Variants in COL5A2 observed in about 807,000 individuals in gnomAD.
COL5A2 encodes the protein collagen alpha-2(V) chain.
In COL5A2, 23 loss-of-function variants were observed where a neutral mutation model predicts 208.2. That is an observed-to-expected ratio of 0.11 (90% CI 0.08 to 0.16). COL5A2 has a LOEUF of 0.16. COL5A2 is among the 10% of genes least tolerant of loss of function. The pLI is 1.00. For missense variants in COL5A2, 1,590 were observed against 1,956.4 expected (o/e 0.81, Z 3.53); for synonymous variants, 625 against 628.5 (o/e 0.99, Z 0.08).
Position 189,113,804 on chromosome 2 carries a change from A to G in COL5A2, c.98-3355T>C, listed in dbSNP as rs184111740. ...AATTAGATATTTGGAAGCAGAGAAT[A>G]TGAAAAACAAAAACAAGATGACACG... is the stretch of plus-strand genomic sequence containing the variant. On this transcript the variant is annotated intron_variant, in intron 1 of 53. Transcript: ENST00000374866. 9.2e-5 allele frequency among the ~76,000 whole-genome samples: 14 copies of G among 151,610 alleles called. No homozygotes were observed. The East Asian group carries it at 2.7e-3, about 29-fold the overall frequency.
upstream of COL5A2, among the ~76,000 whole-genome samples, chr2:189,225,796 T>C (rs370870498): frequency 6.0e-4 from 91 of 152,296 alleles, no homozygotes; most frequent in Admixed American, 1.6e-3. Flanking sequence ...TTTGTGTGGT[T>C]GCCATACTGA....
chr2:189,260,089 C>T, the COL5A2 span, among the ~76,000 whole-genome samples: 1 of 152,016 alleles, frequency 6.6e-6, no homozygotes, highest in South Asian at 2.1e-4. Flanking sequence ...TTCCTAAATC[C>T]TTTAGTATAC....
intron 47 of COL5A2, 79 bp downstream of exon 47, chr2:189,045,100 T>C (rs1685637182): frequency 3.2e-6 from 3 of 944,972 alleles, no homozygotes; most frequent in Admixed American, 2.7e-5. Flanking sequence ...TTTTCAGTTA[T>C]GAATCTTAAA....
chr2:189,342,301 T>G, the COL5A2 span, among the ~76,000 whole-genome samples: 4 of 148,856 alleles, frequency 2.7e-5, no homozygotes, highest in Non-Finnish European at 4.5e-5. Context: ...ATGACTACTA[T>G]ATATATAGAA....
the COL5A2 span, among the ~76,000 whole-genome samples, chr2:189,304,757 A>G: frequency 6.6e-6 from 1 of 152,190 alleles, no homozygotes; most frequent in Non-Finnish European, 1.5e-5. Context: ...AGTCATTCTT[A>G]TATTTTTCTA....
the COL5A2 span, among the ~76,000 whole-genome samples, chr2:189,315,926 T>C: frequency 6.6e-6 from 1 of 152,140 alleles, no homozygotes; most frequent in African/African-American, 2.4e-5. Context: ...AATGACTATT[T>C]AATAAATGAC....
chr2:189,277,311 T>G, the COL5A2 span, among the ~76,000 whole-genome samples: 1 of 152,146 alleles, frequency 6.6e-6, no homozygotes, highest in African/African-American at 2.4e-5. Context: ...CAAAATGTTC[T>G]TAACATGACC....
the COL5A2 span, among the ~76,000 whole-genome samples, chr2:189,329,056 T>C: frequency 6.6e-6 from 1 of 152,130 alleles, no homozygotes; most frequent in East Asian, 1.9e-4. Context: ...TCACCACAGC[T>C]AGGATATGGA....
the COL5A2 span, among the ~76,000 whole-genome samples, chr2:189,272,666 TAA>T: frequency 2.0e-5 from 3 of 150,052 alleles, no homozygotes; most frequent in South Asian, 2.1e-4. Flanking sequence ...ATAATTTTTT[TAA>T]AAAAAATCTC....
the COL5A2 span, among the ~76,000 whole-genome samples, chr2:189,274,718 A>G: frequency 6.6e-6 from 1 of 152,180 alleles, no homozygotes; most frequent in East Asian, 1.9e-4. Context: ...ATTGTATCAA[A>G]AAGAGAATTA....
chr2:189,399,614 A>G, the COL5A2 span, among the ~76,000 whole-genome samples: 1 of 152,118 alleles, frequency 6.6e-6, no homozygotes, highest in Admixed American at 6.6e-5. Flanking sequence ...TATATTACAT[A>G]TAATACTTTT....
At chr2:189,414,771 A>G in the COL5A2 span, among the ~76,000 whole-genome samples, 1 of 151,308 alleles carries the variant, frequency 6.6e-6, no homozygotes, top group Non-Finnish European at 1.5e-5. Flanking sequence ...AAAAAAAAAA[A>G]AAAAAGAATG....
chr2:189,056,987 T>C lies in COL5A2; in HGVS notation c.2377A>G (p.Asn793Asp). The C allele has an allele frequency of 6.2e-7, 1 of 1,614,038 alleles. No individual in the cohort carries two copies. The stretch of plus-strand genomic sequence containing the variant: ...CTTTCACTTACTCTTGCACCATCAT[T>C]TCCAGCTGTGCCTTCAGCACCTTTT... ...GEKGAEGTAG[N>D]DGARGLPGPL... The change falls in exon 35 of 54, where the codon AAT becomes GAT. Residue 793 changes from asparagine (N) to aspartate (D), a missense_variant. Physicochemically the swap from Asn to Asp is conservative, Grantham distance 23. Transcript: ENST00000374866.
At chr2:189,152,651 C>G (rs555911375) in intron 1 of COL5A2, among the ~76,000 whole-genome samples, 16 of 152,234 alleles carry the variant, frequency 1.1e-4, no homozygotes, top group African/African-American at 3.4e-4. Flanking sequence ...TTTTAGGTTC[C>G]AACTCCCGCA....
At chr2:189,441,027 C>G in the COL5A2 span, among the ~76,000 whole-genome samples, 1 of 152,174 alleles carries the variant, frequency 6.6e-6, no homozygotes, top group African/African-American at 2.4e-5. Flanking sequence ...AGCTACCTTT[C>G]CACCCAATAA....
intron 1 of COL5A2, among the ~76,000 whole-genome samples, chr2:189,210,812 T>C (rs1209752006): frequency 6.6e-6 from 1 of 152,212 alleles, no homozygotes; most frequent in Non-Finnish European, 1.5e-5. Context: ...TCTAAATATT[T>C]GCTTCTCTGG....
intron 1 of COL5A2, among the ~76,000 whole-genome samples, chr2:189,202,446 A>G (rs957634879): frequency 1.3e-5 from 2 of 152,152 alleles, no homozygotes; most frequent in African/African-American, 4.8e-5. Flanking sequence ...GGTGAGAAGA[A>G]CAAGTGGAGA....
At chr2:189,346,512 T>A in the COL5A2 span, among the ~76,000 whole-genome samples, 102 of 152,158 alleles carry the variant, frequency 6.7e-4, no homozygotes, top group Admixed American at 3.0e-3. Flanking sequence ...AAAGCCCAAA[T>A]CAAAAAAGCA....
chr2:189,418,931 T>C, the COL5A2 span, among the ~76,000 whole-genome samples: 1 of 152,178 alleles, frequency 6.6e-6, no homozygotes, highest in African/African-American at 2.4e-5. Context: ...ATTTCTTGGC[T>C]ATACAGATAA....
Sources: allele counts gnomAD v4.1 joint callset (sites outside exome capture counted in the v4.1 genomes callset), GRCh38; gene constraint gnomAD v4.1.1; transcripts MANE v1.5; gene names NCBI Gene and HGNC (gene_info 2026-07-23, HGNC 2026-07-21).